Variants in ANKRD12 observed in about 807,000 individuals in gnomAD.
ANKRD12 encodes ankyrin repeat domain-containing protein 12.
In ANKRD12, 85 loss-of-function variants were observed where a neutral mutation model predicts 183.4. That is an observed-to-expected ratio of 0.46 (90% CI 0.39 to 0.56). ANKRD12 has a LOEUF of 0.56. Among genes scored for constraint, ANKRD12 ranks in the 20% least tolerant of loss-of-function variants. The pLI, the probability that ANKRD12 is intolerant of heterozygous loss-of-function variation, is 0.00. For synonymous variants in ANKRD12, 914 were observed against 800.2 expected, an observed-to-expected ratio of 1.14 and a Z score of -2.40; for missense variants, 2,405 against 2,357.1, an observed-to-expected ratio of 1.02 and a Z score of -0.42.
chr18:9,143,274 T>A (rs554992018), intron 1 of ANKRD12, among the ~76,000 whole-genome samples: 1 of 152,336 alleles, frequency 6.6e-6, no homozygotes, highest in Admixed American at 6.5e-5. Flanking sequence ...GAACTTAAGT[T>A]GAAATTTATA....
At chr18:9,234,490 A>G (rs1346221519) in intron 8 of ANKRD12, among the ~76,000 whole-genome samples, 1 of 152,156 alleles carries the variant, frequency 6.6e-6, no homozygotes, top group African/African-American at 2.4e-5. Flanking sequence ...TTTTTGGTAC[A>G]GTGCACCATT....
rs115734535 is a variant in ANKRD12, at chr18:9,139,534, T to C, written c.-52+2569T>C. Among the ~76,000 whole-genome samples the C allele has an allele frequency of 7.5e-3, 1,139 of 152,310 alleles. 13 individuals are homozygous for C. Among genetic ancestry groups the C allele is most frequent in the African/African-American group, 0.026 (1,065 of 41,566 alleles). On this transcript the variant is annotated intron_variant, in intron 1 of 12. Transcript: ENST00000262126. ...AAACCATTCTTACGTTTTAGGAGCA[T>C]TATTTCAGTCCAAAAAGAGGATGGT...
Position 9,258,431 on chromosome 18 carries a change from G to A in ANKRD12, c.5164G>A (p.Ala1722Thr). 3 of 1,613,708 alleles carry A rather than the reference G, an allele frequency of 1.9e-6. No individual in the cohort carries two copies. Among genetic ancestry groups the A allele is most frequent in the Non-Finnish European group, 2.5e-6 (3 of 1,179,910 alleles). The change falls in exon 9 of 13, where the codon GCC (alanine) becomes ACC (threonine). Residue 1722 changes from alanine to threonine, a missense_variant. Physicochemically the swap from Ala to Thr is moderately conservative, Grantham distance 58. Around this residue, in one of 7 missense-constraint regions of ANKRD12, gnomAD observed 1,983 missense variants for 1,725.9 expected, o/e 1.15. Coordinates refer to ENST00000262126, the MANE Select transcript of ANKRD12 (RefSeq NM_015208.5). ...QLVKVELEEN[A>T]EDDKTENQIP... is the part of the protein sequence containing the mutation. ...AGTTAAAGTAGAATTAGAAGAAAAT[G>A]CCGAAGATGATAAAACTGAAAACCA...
At chr18:9,186,505 G>A (rs143719532) in intron 2 of ANKRD12, among the ~76,000 whole-genome samples, 1 of 152,288 alleles carries the variant, frequency 6.6e-6, no homozygotes, top group African/African-American at 2.4e-5. Context: ...AAATTGCCAT[G>A]CTTTGGGATT....
rs367860292 is a variant in ANKRD12, at chr18:9,257,726, C to T, written c.4459C>T (p.Pro1487Ser). The change falls in exon 9 of 13, where the codon CCT (proline) becomes TCT (serine). Residue 1487 changes from proline to serine, a missense_variant. By Grantham distance (74) the Pro-to-Ser change is moderately conservative. Around this residue, in one of 7 missense-constraint regions of ANKRD12, gnomAD observed 1,983 missense variants for 1,725.9 expected, o/e 1.15. Transcript: ENST00000262126. ...TGCTCAGGATCCGGCATCCTTTATGCCTCCACAGCAGCCTTGCTCTTTCCC... is the reference window on the plus strand; with the variant it reads ...TGCTCAGGATCCGGCATCCTTTATGTCTCCACAGCAGCCTTGCTCTTTCCC... Reference protein sequence around the residue: ...SCAQDPASFMPPQQPCSFPSQ... With the variant: ...SCAQDPASFMSPQQPCSFPSQ... The T allele has an allele frequency of 1.2e-6, 2 of 1,614,086 alleles. No individual in the cohort carries two copies. The highest frequency in any genetic ancestry group is 1.7e-5 in the Admixed American group (1 of 59,978).
chr18:9,188,805 AAAGATGGCAAGCTTAATG>A (rs2034270605), intron 2 of ANKRD12, among the ~76,000 whole-genome samples: 1 of 152,252 alleles, frequency 6.6e-6, no homozygotes, highest in African/African-American at 2.4e-5. Flanking sequence ...TGTATGCAGA[AAAGATGGCAAGCTTAATG>A]TTGTATGTGT....
In ANKRD12 at chr18:9,258,453, A is replaced by G. The variant is rs899370424; in HGVS notation, c.5186A>G (p.Asn1729Ser). The G allele has an allele frequency of 1.9e-6, 3 of 1,613,846 alleles. No homozygotes were observed. The highest frequency in any genetic ancestry group is 1.7e-5 in the Admixed American group (1 of 59,916). The change falls in exon 9 of 13, where the codon AAC (asparagine) becomes AGC (serine). Residue 1729 changes from asparagine (N) to serine (S), a missense_variant. By Grantham distance (46) the Asn-to-Ser change is conservative (BLOSUM62 1). Transcript: ENST00000262126. The stretch of plus-strand genomic sequence containing the variant: ...AATGCCGAAGATGATAAAACTGAAA[A>G]CCAAATCCCTCAAAGAATGACTAGA... Reference protein sequence around the residue: ...EENAEDDKTENQIPQRMTRNK... With the variant: ...EENAEDDKTESQIPQRMTRNK...
chr18:9,247,506 T>G (rs1203694257), intron 8 of ANKRD12, among the ~76,000 whole-genome samples: 1 of 152,182 alleles, frequency 6.6e-6, no homozygotes, highest in East Asian at 1.9e-4. Context: ...ATTATAGGGC[T>G]GCTTCTAATT....
chr18:9,228,745 T>C (rs1440093462), intron 8 of ANKRD12, among the ~76,000 whole-genome samples: 1 of 152,142 alleles, frequency 6.6e-6, no homozygotes, highest in Non-Finnish European at 1.5e-5. Flanking sequence ...TTTGCAAATA[T>C]TTTCTCTCAT....
intron 10 of ANKRD12, among the ~76,000 whole-genome samples, chr18:9,271,930 T>A (rs1355245148): frequency 6.6e-6 from 1 of 152,248 alleles, no homozygotes; most frequent in East Asian, 1.9e-4. Flanking sequence ...GACCTCAAAT[T>A]AAGAGCAACG....
At chr18:9,252,722 T>TGG (rs2038372286) in intron 8 of ANKRD12, among the ~76,000 whole-genome samples, 1 of 152,184 alleles carries the variant, frequency 6.6e-6, no homozygotes, top group Non-Finnish European at 1.5e-5. Flanking sequence ...CCCAGCACTT[T>TGG]GGGAGGCCAA....
intron 1 of ANKRD12, among the ~76,000 whole-genome samples, chr18:9,150,134 C>T (rs182453399): frequency 6.6e-6 from 1 of 152,108 alleles, no homozygotes; most frequent in Non-Finnish European, 1.5e-5. Context: ...AATTCTTTGT[C>T]AGGCTCAGTT....
chr18:9,218,965 A>G (rs145670635), intron 7 of ANKRD12, among the ~76,000 whole-genome samples: 2 of 152,264 alleles, frequency 1.3e-5, no homozygotes, highest in East Asian at 1.9e-4. Flanking sequence ...GCACCTCACC[A>G]TAATACACAT....
In ANKRD12 at chr18:9,281,847, G is replaced by C. The variant is rs2040115702; in HGVS notation, c.*721G>C. 1 of 152,614 alleles carries C rather than the reference G, an allele frequency of 6.6e-6. No individual in the cohort carries two copies. The highest frequency in any genetic ancestry group is 2.4e-5 in the African/African-American group (1 of 41,462). 9.5% of individuals were successfully genotyped at this position (152,614 alleles called of 1,614,324 possible). A position where few individuals can be genotyped will look rare whatever the true frequency, so the allele number is the denominator to read the frequency against. On this transcript the variant is annotated 3_prime_UTR_variant, in exon 13 of 13. Transcript: ENST00000262126. ...TTAAATACAGCATGCAGGTGTTTCA[G>C]TTAGCTTGTTTTCATCACCATAACT...
At chr18:9,238,948 C>T (rs1019863393) in intron 8 of ANKRD12, among the ~76,000 whole-genome samples, 5 of 152,194 alleles carry the variant, frequency 3.3e-5, no homozygotes, top group African/African-American at 1.2e-4. Flanking sequence ...ATGGTGAAAC[C>T]CCATCTTTAC....
rs551616964 is a variant in ANKRD12, at chr18:9,165,284, G to A, written c.-51-17098G>A. ...CCATCCCTTTATTTTGAGCCTATGT[G>A]TGTCTTTGCATGTGAAATGGATTTC... is the stretch of plus-strand genomic sequence containing the variant. On this transcript the variant is annotated intron_variant, in intron 1 of 12. Transcript: ENST00000262126. Among the ~76,000 whole-genome samples the A allele has an allele frequency of 3.9e-5, 6 of 152,218 alleles. No homozygotes were observed. The East Asian group carries it at 9.6e-4, about 24-fold the overall frequency.
chr18:9,268,390 G>T (rs1316001234), intron 10 of ANKRD12, among the ~76,000 whole-genome samples: 2 of 152,100 alleles, frequency 1.3e-5, no homozygotes, highest in African/African-American at 4.8e-5. Flanking sequence ...CTGGCAAACC[G>T]AATCCAGCAG....
chr18:9,147,182 C>T (rs2078520229), intron 1 of ANKRD12, among the ~76,000 whole-genome samples: 1 of 152,086 alleles, frequency 6.6e-6, no homozygotes, highest in South Asian at 2.1e-4. Flanking sequence ...TCTTAATGAC[C>T]TATCCCAATC....
intron 8 of ANKRD12, among the ~76,000 whole-genome samples, chr18:9,228,075 C>T (rs192815520): frequency 0.01 from 1,566 of 152,218 alleles, 19 homozygotes; most frequent in African/African-American, 0.036. Flanking sequence ...CTGTGCCTGA[C>T]TTCACTAATT....
Sources: allele counts gnomAD v4.1 joint callset (sites outside exome capture counted in the v4.1 genomes callset), GRCh38; gene constraint gnomAD v4.1.1; regional missense constraint gnomAD v4.1.1; transcripts MANE v1.5; gene names NCBI Gene and HGNC (gene_info 2026-07-23, HGNC 2026-07-21).